TRIO: variants seen among roughly 807,000 people sequenced by gnomAD.
TRIO encodes the protein triple functional domain protein.
A neutral mutation model predicts 351.9 loss-of-function variants in TRIO; 58 were observed. That is an observed-to-expected ratio of 0.16 (90% CI 0.13 to 0.21). The LOEUF is 0.21. Ranked by LOEUF, TRIO falls within the 10% of genes least tolerant of loss-of-function variation. The pLI is 1.00. For synonymous variants in TRIO, 1,758 were observed against 1,595.7 expected, an observed-to-expected ratio of 1.10 and a Z score of -2.42; for missense variants, 3,201 against 4,027.8, an observed-to-expected ratio of 0.79 and a Z score of 5.56.
At chr5:14,207,389 T>TACACAC (rs70964544) in intron 1 of TRIO, among the ~76,000 whole-genome samples, 2 of 11,724 alleles carry the variant, frequency 1.7e-4, no homozygotes, top group African/African-American at 5.2e-4. Flanking sequence ...CAAGACTGTC[T>TACACAC]ACACACACAC....
intron 13 of TRIO, among the ~76,000 whole-genome samples, chr5:14,362,934 T>C (rs1744277813): frequency 6.6e-6 from 1 of 152,202 alleles, no homozygotes; most frequent in Admixed American, 6.5e-5. Context: ...GAATTCTTCA[T>C]TATGAAATGT....
At chr5:14,452,919 T>A (rs913888069) in intron 34 of TRIO, among the ~76,000 whole-genome samples, 22 of 152,252 alleles carry the variant, frequency 1.4e-4, no homozygotes, top group African/African-American at 5.3e-4. Context: ...AGGTTTTTAT[T>A]AATCACAGAT....
Position 14,471,588 on chromosome 5 carries a change from TTAAG to T in TRIO, c.5912+126_5912+129del, listed in dbSNP as rs1754693110. On this transcript the variant is annotated intron_variant, in intron 38 of 56. Transcript: ENST00000344204. ...AGATGAGAAGCTCCAGGGCCTCTCA[TTAAG>T]TAACTGCACGTATGTAAAAGACTCA... The T allele has an allele frequency of 4.6e-6, 6 of 1,315,216 alleles. No individual in the cohort carries two copies. In the South Asian group the frequency reaches 7.2e-5, roughly 16 times the overall value. The allele number at this position is 1,315,216 out of a possible 1,614,324, so 81.5% of individuals were successfully genotyped here.
chr5:14,144,904 A>AGGC (rs553815914), intron 1 of TRIO, among the ~76,000 whole-genome samples: 1,540 of 149,186 alleles, frequency 0.01, 29 homozygotes, highest in African/African-American at 0.035. Context: ...GAGGAGGAGG[A>AGGC]GGCGGCGGCG....
intron 1 of TRIO, among the ~76,000 whole-genome samples, chr5:14,187,197 T>C (rs1045265254): frequency 6.6e-6 from 1 of 152,218 alleles, no homozygotes; most frequent in Non-Finnish European, 1.5e-5. Flanking sequence ...TGATAAGTAC[T>C]AAAATGTATT....
intron 1 of TRIO, among the ~76,000 whole-genome samples, chr5:14,245,211 A>G (rs113225164): frequency 1.4e-4 from 21 of 152,282 alleles, no homozygotes; most frequent in African/African-American, 5.1e-4. Flanking sequence ...CTAGTATTTA[A>G]ATTAGGTTAT....
intron 4 of TRIO, among the ~76,000 whole-genome samples, chr5:14,289,245 C>T (rs913529529): frequency 2.0e-5 from 3 of 152,074 alleles, no homozygotes; most frequent in Non-Finnish European, 1.5e-5. Context: ...ATTAGCTGAG[C>T]GTGGTGTAAG....
intron 1 of TRIO, among the ~76,000 whole-genome samples, chr5:14,187,624 G>T (rs1790204717): frequency 6.6e-6 from 1 of 152,146 alleles, no homozygotes; most frequent in East Asian, 1.9e-4. Flanking sequence ...GAACTCAAGA[G>T]CAAAAGCGAA....
At chr5:14,151,039 G>T (rs1313486940) in intron 1 of TRIO, among the ~76,000 whole-genome samples, 1 of 152,164 alleles carries the variant, frequency 6.6e-6, no homozygotes, top group African/African-American at 2.4e-5. Context: ...GATCGAAGAT[G>T]ACAAGTGGCC....
intron 1 of TRIO, among the ~76,000 whole-genome samples, chr5:14,206,773 A>C (rs1438615304): frequency 6.6e-6 from 1 of 152,232 alleles, no homozygotes; most frequent in African/African-American, 2.4e-5. Flanking sequence ...TACTGGCAAA[A>C]AAGAGAATAA....
chr5:14,484,203 AT>A, intron 46 of TRIO, among the ~76,000 whole-genome samples: 1 of 152,264 alleles, frequency 6.6e-6, no homozygotes, highest in South Asian at 2.1e-4. Flanking sequence ...TTTCGTATAT[AT>A]TTTTTACATA....
rs149985899 is a variant in TRIO, at chr5:14,358,156, AC to A, written c.2047-16del. On this transcript the variant is annotated intron_variant, in intron 11 of 56. Coordinates refer to ENST00000344204, the MANE Select transcript of TRIO (RefSeq NM_007118.4). Reference sequence around the variant, plus strand: ...TGGTGCAGCCAGGCCGGCCGGCCTCACCCCCCTCTCCCCTTCCCCAGCTGTG... The same window carrying A: ...TGGTGCAGCCAGGCCGGCCGGCCTCACCCCCTCTCCCCTTCCCCAGCTGTG... 2.1e-3 allele frequency: 3,402 copies of A among 1,602,996 alleles called. 50 individuals carry two copies. In the African/African-American group the frequency reaches 0.039, roughly 19 times the overall value.
intron 49 of TRIO, among the ~76,000 whole-genome samples, chr5:14,494,792 G>C (rs1756753694): frequency 6.6e-6 from 1 of 152,300 alleles, no homozygotes; most frequent in East Asian, 1.9e-4. Flanking sequence ...CCAGCTACTT[G>C]GGAGGCTGAG....
chr5:14,461,206 G>A lies in TRIO; in HGVS notation c.5391G>A (p.Ala1797=), dbSNP rs527741236. ...GKADGHVKKL[A]HKHKKSREVR... ...CCGACGGGCACGTGAAGAAGCTGGCGCACAAGCACAAGAAGAGCCGCGAGG... is the reference window on the plus strand; with the variant it reads ...CCGACGGGCACGTGAAGAAGCTGGCACACAAGCACAAGAAGAGCCGCGAGG... The change falls in exon 35 of 57, where the codon GCG becomes GCA. Residue 1797 remains alanine (A), a synonymous_variant. Coordinates refer to ENST00000344204, the MANE Select transcript of TRIO (RefSeq NM_007118.4). 6.4e-6 allele frequency: 10 copies of A among 1,568,056 alleles called. No individual in the cohort carries two copies. In the Admixed American group the frequency reaches 1.7e-4, roughly 26 times the overall value.
intron 1 of TRIO, among the ~76,000 whole-genome samples, chr5:14,169,584 T>G (rs909234664): frequency 2.6e-5 from 4 of 152,236 alleles, no homozygotes; most frequent in African/African-American, 9.6e-5. Flanking sequence ...CTGGACCACT[T>G]GAGTTGTTAT....
intron 11 of TRIO, 24 bp from the exon 12 acceptor site, chr5:14,358,154 T>C (rs1743806094): frequency 1.2e-6 from 2 of 1,602,930 alleles, no homozygotes; most frequent in African/African-American, 1.3e-5. Context: ...CCGGCCGGCC[T>C]CACCCCCCTC....
chr5:14,363,428 A>G (rs11960847), intron 13 of TRIO, among the ~76,000 whole-genome samples: 71 of 152,340 alleles, frequency 4.7e-4, no homozygotes, highest in Non-Finnish European at 8.2e-4. Flanking sequence ...GGTATATTTT[A>G]CACAGTTTTG....
chr5:14,333,268 C>G lies in TRIO; in HGVS notation c.1854+2368C>G, dbSNP rs117377212. On this transcript the variant is annotated intron_variant, in intron 10 of 56. Transcript: ENST00000344204. ...TTGCTGTGTCCAGAGAAATCCACAG[C>G]ACTTCTTGGGTCCACTGTTAGTTAG... is the stretch of plus-strand genomic sequence containing the variant. Among the ~76,000 whole-genome samples, 1,174 of 152,286 alleles carry G rather than the reference C, an allele frequency of 7.7e-3. 44 individuals are homozygous for G. The East Asian group carries it at 0.081, about 10-fold the overall frequency.
At chr5:14,451,618 A>G (rs113199414) in intron 34 of TRIO, among the ~76,000 whole-genome samples, 4,586 of 152,374 alleles carry the variant, frequency 0.03, 102 homozygotes, top group African/African-American at 0.05. Context: ...GCTATAGGCC[A>G]GTTATACCTG....
Sources: allele counts gnomAD v4.1 joint callset (sites outside exome capture counted in the v4.1 genomes callset), GRCh38; gene constraint gnomAD v4.1.1; transcripts MANE v1.5; gene names NCBI Gene and HGNC (gene_info 2026-07-23, HGNC 2026-07-21).